EPB41L3: variants seen among roughly 807,000 people sequenced by gnomAD.
EPB41L3 encodes band 4.1-like protein 3.
A neutral mutation model predicts 127.1 loss-of-function variants in EPB41L3; 57 were observed. The observed-to-expected ratio is 0.45, with a 90% CI of 0.36 to 0.56. The LOEUF is 0.56. Among genes scored for constraint, EPB41L3 ranks in the 20% least tolerant of loss-of-function variants. EPB41L3 has a pLI of 0.00. For synonymous variants in EPB41L3, 572 were observed against 549.5 expected (o/e 1.04, Z -0.57); for missense variants, 1,273 against 1,372.2 (o/e 0.93, Z 1.14).
chr18:5,573,020 A>T (rs2094299769), intron 3 of EPB41L3, among the ~76,000 whole-genome samples: 1 of 152,214 alleles, frequency 6.6e-6, no homozygotes, highest in African/African-American at 2.4e-5. Context: ...CAGAAGAGGG[A>T]AATAAAGGAT....
At chr18:5,604,469 T>C (rs2094626413) in intron 3 of EPB41L3, among the ~76,000 whole-genome samples, 1 of 152,306 alleles carries the variant, frequency 6.6e-6, no homozygotes, top group East Asian at 1.9e-4. Context: ...CTTTCTCTTT[T>C]TTTTGACAGA....
intron 3 of EPB41L3, among the ~76,000 whole-genome samples, chr18:5,560,073 C>T (rs756368442): frequency 1.8e-4 from 28 of 152,222 alleles, no homozygotes; most frequent in Non-Finnish European, 5.9e-5. Flanking sequence ...CACAATACGA[C>T]CATTCCCAAT....
chr18:5,410,844 C>G (rs1568033026), intron 13 of EPB41L3, among the ~76,000 whole-genome samples: 1 of 152,206 alleles, frequency 6.6e-6, no homozygotes, highest in Non-Finnish European at 1.5e-5. Context: ...CTGAGGCACA[C>G]TCAGCCTGCA....
rs751630732 is a variant in EPB41L3 at position 5,423,487 on chromosome 18, G to C, written c.1230C>G (p.Gly410=). The stretch of plus-strand genomic sequence containing the variant: ...CTCTTCTCGTTTGCGCTTGTGTCCT[G>C]CCACTATAACGAAACTTGGAACCCA... ...LTLGSKFRYS[G]RTQAQTRRAS... is the part of the protein sequence containing the mutation. The change falls in exon 11 of 23, where the codon GGC becomes GGG. Residue 410 remains glycine (G), a synonymous_variant. Coordinates refer to ENST00000341928, the MANE Select transcript of EPB41L3 (RefSeq NM_012307.5). The C allele has an allele frequency of 2.5e-6, 4 of 1,613,824 alleles. No homozygotes were observed. The Admixed American group carries it at 6.7e-5, about 27-fold the overall frequency.
chr18:5,423,651 C>T, intron 10 of EPB41L3, 98 bp from the exon 11 acceptor site: 1 of 1,123,054 alleles, frequency 8.9e-7, no homozygotes, highest in Non-Finnish European at 1.2e-6. Flanking sequence ...GTTTTGCATG[C>T]TAAACATTTA....
intron 3 of EPB41L3, among the ~76,000 whole-genome samples, chr18:5,606,322 AT>A: frequency 6.6e-6 from 1 of 152,194 alleles, no homozygotes; most frequent in Non-Finnish European, 1.5e-5. Flanking sequence ...AATGACATCT[AT>A]TAAACATGAA....
intron 1 of EPB41L3, among the ~76,000 whole-genome samples, chr18:5,511,406 T>TG (rs2092512032): frequency 1.4e-5 from 2 of 140,188 alleles, no homozygotes; most frequent in African/African-American, 2.7e-5. Flanking sequence ...TTTTTTTTTT[T>TG]TTTTTTTTTT....
intron 16 of EPB41L3, among the ~76,000 whole-genome samples, chr18:5,406,539 T>C (rs1035026573): frequency 6.6e-6 from 1 of 152,176 alleles, no homozygotes; most frequent in South Asian, 2.1e-4. Context: ...TTTTTCACGA[T>C]AGTCTCCCTG....
At chr18:5,622,145 A>C (rs1219353333) in intron 1 of EPB41L3, among the ~76,000 whole-genome samples, 6 of 152,360 alleles carry the variant, frequency 3.9e-5, no homozygotes, top group Non-Finnish European at 1.5e-5. Flanking sequence ...ATCATCAAAA[A>C]GTAAATAAAC....
chr18:5,552,824 C>T (rs562747885), intron 3 of EPB41L3, among the ~76,000 whole-genome samples: 8 of 152,268 alleles, frequency 5.3e-5, no homozygotes, highest in South Asian at 2.1e-4. Context: ...AGGTGCCCGA[C>T]GTTACACAGG....
intron 1 of EPB41L3, among the ~76,000 whole-genome samples, chr18:5,623,168 C>T (rs1286653855): frequency 6.6e-6 from 1 of 152,074 alleles, no homozygotes; most frequent in Non-Finnish European, 1.5e-5. Flanking sequence ...TATGGAACAG[C>T]ATTTTGATAT....
intron 5 of EPB41L3, among the ~76,000 whole-genome samples, chr18:5,439,319 T>C (rs932182160): frequency 6.6e-5 from 10 of 152,156 alleles, no homozygotes; most frequent in Non-Finnish European, 1.0e-4. Flanking sequence ...AATCTCCCTG[T>C]CTCTCCATTA....
chr18:5,433,881 T>C (rs1373156805), intron 7 of EPB41L3, 22 bp downstream of exon 7: 1 of 1,613,552 alleles, frequency 6.2e-7, no homozygotes, highest in Non-Finnish European at 8.5e-7. Flanking sequence ...ACAACTTAAA[T>C]GAACACCTTT....
intron 16 of EPB41L3, chr18:5,400,171 T>C (rs1365523596): frequency 6.1e-6 from 1 of 164,626 alleles, no homozygotes; most frequent in African/African-American, 2.4e-5. Flanking sequence ...AAGTTCACTG[T>C]CTCAGGAGTT....
intron 1 of EPB41L3, among the ~76,000 whole-genome samples, chr18:5,620,490 T>G (rs1282829007): frequency 6.6e-6 from 1 of 152,236 alleles, no homozygotes; most frequent in Non-Finnish European, 1.5e-5. Flanking sequence ...TCAGCCATAT[T>G]ACTCACTGTT....
chr18:5,538,994 GATTTTTTTTT>G (rs1243404955), intron 1 of EPB41L3, among the ~76,000 whole-genome samples: 1 of 128,656 alleles, frequency 7.8e-6, no homozygotes, highest in East Asian at 2.4e-4. Flanking sequence ...CTTTCTCCAA[GATTTTTTTTT>G]TTTTTTTTTT....
chr18:5,586,564 TA>T (rs1380834828), intron 3 of EPB41L3, among the ~76,000 whole-genome samples: 5 of 116,936 alleles, frequency 4.3e-5, no homozygotes, highest in Non-Finnish European at 9.2e-5. Flanking sequence ...CATACATGAC[TA>T]TTTTTTTTTT....
intron 5 of EPB41L3, 127 bp from the exon 6 acceptor site, chr18:5,438,237 G>A: frequency 1.4e-6 from 1 of 705,904 alleles, no homozygotes; most frequent in Non-Finnish European, 2.3e-6. Context: ...GGAAAACTGG[G>A]AAACCTTGGT....
chr18:5,430,633 G>A lies in EPB41L3; in HGVS notation c.913-2168C>T, dbSNP rs916523071. ...GATGGAGCGCAGTGGTGCCATCTTGGCTCACTGCACCCTCCACCTCCAGGG... is the reference window on the plus strand; with the variant it reads ...GATGGAGCGCAGTGGTGCCATCTTGACTCACTGCACCCTCCACCTCCAGGG... On this transcript the variant is annotated intron_variant, in intron 8 of 22. Transcript: ENST00000341928. Among the ~76,000 whole-genome samples the A allele has an allele frequency of 4.6e-5, 7 of 151,070 alleles. No individual in the cohort carries two copies. In the East Asian group the frequency reaches 1.2e-3, roughly 25 times the overall value.
Sources: allele counts gnomAD v4.1 joint callset (sites outside exome capture counted in the v4.1 genomes callset), GRCh38; gene constraint gnomAD v4.1.1; transcripts MANE v1.5; gene names NCBI Gene and HGNC (gene_info 2026-07-23, HGNC 2026-07-21).